Variants in GAD1 observed in about 807,000 individuals in gnomAD.
GAD1 encodes 67 kDa glutamic acid decarboxylase.
A neutral mutation model predicts 75.2 loss-of-function variants in GAD1; 35 were observed. The observed-to-expected ratio is 0.47, with a 90% CI of 0.36 to 0.62. The LOEUF is 0.62. Ranked by LOEUF, GAD1 falls within the 20% of genes least tolerant of loss-of-function variation. GAD1 has a pLI of 0.00. For synonymous variants in GAD1, 257 were observed against 271.9 expected (o/e 0.95, Z 0.54); for missense variants, 490 against 758.5 (o/e 0.65, Z 4.16).
upstream of GAD1, among the ~76,000 whole-genome samples, chr2:170,815,290 C>G (rs186365945): frequency 2.5e-3 from 373 of 152,214 alleles, no homozygotes; most frequent in Non-Finnish European, 3.9e-3. Flanking sequence ...CCGCGCGCCC[C>G]GCCGTTTAGG....
At chr2:170,819,432 G>A (rs976959495) in intron 2 of GAD1, among the ~76,000 whole-genome samples, 1 of 152,080 alleles carries the variant, frequency 6.6e-6, no homozygotes, top group Non-Finnish European at 1.5e-5. Context: ...GATCTGTCAG[G>A]AGGTGACATG....
chr2:170,851,776 G>C (rs771637906), intron 12 of GAD1, among the ~76,000 whole-genome samples: 1 of 152,166 alleles, frequency 6.6e-6, no homozygotes, highest in Non-Finnish European at 1.5e-5. Context: ...TAATGCCCTA[G>C]CTAGTGTGCT....
chr2:170,843,200 TG>T (rs1481266972), intron 6 of GAD1, among the ~76,000 whole-genome samples: 1 of 152,244 alleles, frequency 6.6e-6, no homozygotes, highest in Non-Finnish European at 1.5e-5. Context: ...CTCACGATCT[TG>T]TTTCAATGAC....
At position 170,860,908 on chromosome 2, in the gene GAD1, CT is replaced by C. The variant is rs1370021200; in HGVS notation, c.*1030del. 1 of 152,618 alleles carries C rather than the reference CT, an allele frequency of 6.6e-6. No individual in the cohort carries two copies. Among genetic ancestry groups the C allele is most frequent in the African/African-American group, 2.4e-5 (1 of 41,456 alleles). The allele number at this position is 152,618 out of a possible 1,614,324, so 9.5% of individuals were successfully genotyped here. On this transcript the variant is annotated 3_prime_UTR_variant, in exon 17 of 17. Coordinates refer to ENST00000358196, the MANE Select transcript of GAD1 (RefSeq NM_000817.3). ...GGCTGTACGTCTGGTGTTCTCAATGCTTTTCTAGCAACTGTTGGATAATAAC... is the reference window on the plus strand; with the variant it reads ...GGCTGTACGTCTGGTGTTCTCAATGCTTTCTAGCAACTGTTGGATAATAAC...
intron 6 of GAD1, among the ~76,000 whole-genome samples, chr2:170,840,344 C>G (rs1216973359): frequency 6.6e-6 from 1 of 152,208 alleles, no homozygotes; most frequent in Admixed American, 6.5e-5. Context: ...AAGCTCCCCT[C>G]AGCTATGTTA....
intron 3 of GAD1, among the ~76,000 whole-genome samples, chr2:170,823,299 T>C (rs1239055551): frequency 1.3e-5 from 2 of 152,200 alleles, no homozygotes; most frequent in Non-Finnish European, 2.9e-5. Context: ...GCACCTGATC[T>C]TCCCAGCCTC....
chr2:170,835,705 G>A (rs1702353325), intron 5 of GAD1, among the ~76,000 whole-genome samples: 2 of 152,086 alleles, frequency 1.3e-5, no homozygotes, highest in South Asian at 4.1e-4. Context: ...ATTCAGTCTT[G>A]TCTTAAAATG....
At chr2:170,814,062 C>T (rs1701656000), upstream of GAD1, among the ~76,000 whole-genome samples, 3 of 152,112 alleles carry the variant, frequency 2.0e-5, no homozygotes, top group South Asian at 6.2e-4. Context: ...TTTTTCCACC[C>T]CCATTATCCC....
intron 14 of GAD1, among the ~76,000 whole-genome samples, chr2:170,854,871 T>A (rs188897359): frequency 1.3e-5 from 2 of 152,308 alleles, no homozygotes; most frequent in East Asian, 3.9e-4. Context: ...GTGTCTGCAT[T>A]CATCAACCTT....
intron 6 of GAD1, chr2:170,842,729 T>C: frequency 6.3e-7 from 1 of 1,583,432 alleles, no homozygotes. Context: ...GGACATATTC[T>C]TTTTGGAAAT....
At position 170,845,693 on chromosome 2, in the gene GAD1, C is replaced by G. The variant is rs904560859; in HGVS notation, c.868-13C>G. 1.2e-6 allele frequency: 2 copies of G among 1,614,048 alleles called. No individual in the cohort carries two copies. Among genetic ancestry groups the G allele is most frequent in the Non-Finnish European group, 1.7e-6 (2 of 1,179,928 alleles). ...CTTTCCAACTTCTAACCTCGAGCCTCTGTTTGTTGCAGAGTCACTATTCCA... is the reference window on the plus strand; with the variant it reads ...CTTTCCAACTTCTAACCTCGAGCCTGTGTTTGTTGCAGAGTCACTATTCCA... On this transcript the variant is annotated splice_polypyrimidine_tract_variant and intron_variant, in intron 8 of 16. Transcript: ENST00000358196.
upstream of GAD1, among the ~76,000 whole-genome samples, chr2:170,813,996 C>T (rs1218821823): frequency 6.6e-6 from 1 of 152,180 alleles, no homozygotes; most frequent in African/African-American, 2.4e-5. Context: ...TGGGCGGACA[C>T]CACTCCCTTC....
At chr2:170,835,918 T>G (rs1240354281) in intron 5 of GAD1, among the ~76,000 whole-genome samples, 3 of 152,178 alleles carry the variant, frequency 2.0e-5, no homozygotes, top group Admixed American at 6.5e-5. Flanking sequence ...TAGTTATGCT[T>G]CTTTTAGTTT....
At chr2:170,844,241 C>T (rs756348605) in intron 7 of GAD1, 84 bp downstream of exon 7, 1 of 820,980 alleles carries the variant, frequency 1.2e-6, no homozygotes. Flanking sequence ...AAGAATAATG[C>T]CTTAACATTT....
intron 10 of GAD1, among the ~76,000 whole-genome samples, 198 bp from the exon 11 acceptor site, chr2:170,847,478 A>G (rs1235394070): frequency 6.6e-6 from 1 of 152,246 alleles, no homozygotes; most frequent in Non-Finnish European, 1.5e-5. Context: ...CATAAAAGGC[A>G]ATCAAAAAAT....
intron 12 of GAD1, among the ~76,000 whole-genome samples, chr2:170,851,824 T>C (rs1702748374): frequency 6.6e-6 from 1 of 152,190 alleles, no homozygotes; most frequent in African/African-American, 2.4e-5. Context: ...AATGATGCAG[T>C]TGCTAGGAGA....
intron 3 of GAD1, among the ~76,000 whole-genome samples, chr2:170,823,728 C>A (rs1465590684): frequency 1.3e-5 from 2 of 151,656 alleles, no homozygotes; most frequent in Non-Finnish European, 2.9e-5. Context: ...GCGGCCGCAG[C>A]GCTCGGCTTC....
intron 5 of GAD1, among the ~76,000 whole-genome samples, chr2:170,832,090 T>A (rs1183018061): frequency 6.6e-6 from 1 of 152,170 alleles, no homozygotes; most frequent in Non-Finnish European, 1.5e-5. Flanking sequence ...AATCCTGCCC[T>A]TGCCTGTCCC....
At chr2:170,822,044 G>A (rs753761172) in intron 2 of GAD1, 43 bp from the exon 3 acceptor site, 13 of 1,550,736 alleles carry the variant, frequency 8.4e-6, no homozygotes, top group South Asian at 3.5e-5. Flanking sequence ...CCCCGCGGTC[G>A]GAACCTCCCT....
Sources: allele counts gnomAD v4.1 joint callset (sites outside exome capture counted in the v4.1 genomes callset), GRCh38; gene constraint gnomAD v4.1.1; transcripts MANE v1.5; gene names NCBI Gene and HGNC (gene_info 2026-07-23, HGNC 2026-07-21).